The following EFNA5 variants were observed in gnomAD, a reference collection of about 807,000 sequenced individuals.
EFNA5 encodes the protein ephrin-A5.
EFNA5 carries 5 observed loss-of-function variants against 22.9 expected under a neutral mutation model. That is an observed-to-expected ratio of 0.22 (90% CI 0.11 to 0.46). The LOEUF (loss-of-function observed/expected upper bound fraction) is 0.46, where lower values mean the gene tolerates loss of function less well. EFNA5 is among the 20% of genes least tolerant of loss of function. The pLI is 0.99. For missense variants in EFNA5, 237 were observed against 293.3 expected (o/e 0.81, Z 1.40); for synonymous variants, 113 against 112.2 (o/e 1.01, Z -0.04).
intron 2 of EFNA5, among the ~76,000 whole-genome samples, chr5:107,412,811 A>C (rs1005828513): frequency 1.1e-4 from 16 of 152,224 alleles, no homozygotes; most frequent in African/African-American, 3.6e-4. Flanking sequence ...TTTTGAACTC[A>C]ATTAATATAT....
intron 1 of EFNA5, among the ~76,000 whole-genome samples, chr5:107,516,899 A>C (rs1580507498): frequency 6.6e-6 from 1 of 152,238 alleles, no homozygotes; most frequent in African/African-American, 2.4e-5. Context: ...AAAAGAACAC[A>C]TATTGTATGA....
In EFNA5 at chr5:107,381,440, G is replaced by A. The variant is rs1020021817; in HGVS notation, c.566-64C>T. ...CATCCTTAATAACTCTCTTGCAGCA[G>A]CCTGCTGTTAACAGACCTCGCCACC... On this transcript the variant is annotated intron_variant, in intron 4 of 4. Coordinates refer to ENST00000333274, the MANE Select transcript of EFNA5 (RefSeq NM_001962.3). 8 of 1,543,290 alleles carry A rather than the reference G, an allele frequency of 5.2e-6. 1 individual carries two copies. In the South Asian group the frequency reaches 7.3e-5, roughly 14 times the overall value.
At chr5:107,559,888 A>G (rs1748500729) in intron 1 of EFNA5, among the ~76,000 whole-genome samples, 1 of 152,146 alleles carries the variant, frequency 6.6e-6, no homozygotes, top group Non-Finnish European at 1.5e-5. Flanking sequence ...TTCCCCCCAA[A>G]TCTGAACATA....
intron 1 of EFNA5, among the ~76,000 whole-genome samples, chr5:107,509,372 G>A (rs1007581494): frequency 8.0e-5 from 12 of 150,510 alleles, no homozygotes; most frequent in Non-Finnish European, 5.9e-5. Context: ...AGGCTGCAGT[G>A]CAATGGTGCG....
chr5:107,605,892 T>G (rs2112516247), intron 1 of EFNA5, among the ~76,000 whole-genome samples: 1 of 152,328 alleles, frequency 6.6e-6, no homozygotes, highest in African/African-American at 2.4e-5. Flanking sequence ...TTTCTATTTC[T>G]CTTGGCACTG....
intron 1 of EFNA5, among the ~76,000 whole-genome samples, chr5:107,483,256 T>G (rs1231297598): frequency 6.6e-6 from 1 of 152,176 alleles, no homozygotes; most frequent in Admixed American, 6.5e-5. Context: ...TTGACATCTA[T>G]TCACATAGGT....
intron 2 of EFNA5, among the ~76,000 whole-genome samples, chr5:107,388,713 G>A (rs983887457): frequency 3.2e-4 from 49 of 152,098 alleles, no homozygotes; most frequent in African/African-American, 8.7e-4. Flanking sequence ...AACGAGCGTC[G>A]CATACTTTCC....
chr5:107,612,275 TATA>T (rs1488355427), intron 1 of EFNA5, among the ~76,000 whole-genome samples: 1 of 152,198 alleles, frequency 6.6e-6, no homozygotes, highest in Non-Finnish European at 1.5e-5. Context: ...CTATATCATG[TATA>T]ATGAGTTGCA....
At chr5:107,643,665 T>C (rs1187745232) in intron 1 of EFNA5, among the ~76,000 whole-genome samples, 2 of 145,866 alleles carry the variant, frequency 1.4e-5, no homozygotes, top group Admixed American at 6.9e-5. Context: ...ATTTATGAAG[T>C]AAGCTTGACG....
Position 107,379,196 on chromosome 5 carries a change from A to G in EFNA5, c.*2059T>C, listed in dbSNP as rs1219571213. 1 of 152,126 alleles carries G rather than the reference A, an allele frequency of 6.6e-6. No individual in the cohort carries two copies. Among genetic ancestry groups the G allele is most frequent in the African/African-American group, 2.4e-5 (1 of 41,426 alleles). The allele number at this position is 152,126 out of a possible 1,614,324, so 9.4% of individuals were successfully genotyped here. ...CTGTGAGGCTGGCAACCCCACACAC[A>G]TGGTTCCATGTGAGAACAGACTCGG... On this transcript the variant is annotated 3_prime_UTR_variant, in exon 5 of 5. Coordinates refer to ENST00000333274, the MANE Select transcript of EFNA5 (RefSeq NM_001962.3).
chr5:107,460,702 A>G (rs1749815558), intron 1 of EFNA5, among the ~76,000 whole-genome samples: 1 of 152,190 alleles, frequency 6.6e-6, no homozygotes, highest in South Asian at 2.1e-4. Context: ...CAAAAAACAG[A>G]AGAGAGGGAG....
chr5:107,466,196 G>T (rs1401931669), intron 1 of EFNA5, among the ~76,000 whole-genome samples: 1 of 152,154 alleles, frequency 6.6e-6, no homozygotes, highest in African/African-American at 2.4e-5. Flanking sequence ...CACTGCCAAA[G>T]CTTCTTTCAT....
At chr5:107,612,932 T>C (rs921032943) in intron 1 of EFNA5, among the ~76,000 whole-genome samples, 1 of 152,128 alleles carries the variant, frequency 6.6e-6, no homozygotes, top group Non-Finnish European at 1.5e-5. Context: ...AAACAGGGAA[T>C]AAAATAAATA....
intron 1 of EFNA5, among the ~76,000 whole-genome samples, chr5:107,506,499 T>G (rs1561416384): frequency 6.6e-6 from 1 of 152,168 alleles, no homozygotes. Flanking sequence ...CTCACTCTGA[T>G]AGACCTTAAA....
chr5:107,482,845 T>C (rs1750515650), intron 1 of EFNA5, among the ~76,000 whole-genome samples: 1 of 75,128 alleles, frequency 1.3e-5, no homozygotes, highest in African/African-American at 5.3e-5. Context: ...TCTCTCTCTC[T>C]CTCTCTCTCT....
At chr5:107,616,147 C>A (rs1173500866) in intron 1 of EFNA5, among the ~76,000 whole-genome samples, 1 of 152,026 alleles carries the variant, frequency 6.6e-6, no homozygotes, top group East Asian at 1.9e-4. Flanking sequence ...GATTTAATTT[C>A]AATAAAGAAG....
intron 1 of EFNA5, among the ~76,000 whole-genome samples, chr5:107,491,432 A>G (rs534396401): frequency 6.6e-6 from 1 of 152,026 alleles, no homozygotes; most frequent in Admixed American, 6.6e-5. Context: ...CTGCCTCAGC[A>G]TCCTGAGTAG....
At chr5:107,591,804 A>G in intron 1 of EFNA5, among the ~76,000 whole-genome samples, 1 of 127,694 alleles carries the variant, frequency 7.8e-6, no homozygotes, top group Admixed American at 9.6e-5. Flanking sequence ...CTGGGTGGCA[A>G]AGGGAGACTC....
chr5:107,387,587 A>C, intron 3 of EFNA5, 119 bp downstream of exon 3: 1 of 738,412 alleles, frequency 1.4e-6, no homozygotes, highest in African/African-American at 1.8e-5. Context: ...ATGTTGATAT[A>C]CAAAACAGAT....
Sources: allele counts gnomAD v4.1 joint callset (sites outside exome capture counted in the v4.1 genomes callset), GRCh38; gene constraint gnomAD v4.1.1; transcripts MANE v1.5; gene names NCBI Gene and HGNC (gene_info 2026-07-23, HGNC 2026-07-21).